The following SAMD5 variants were observed in gnomAD, a reference collection of about 807,000 sequenced individuals.
SAMD5 encodes the protein sterile alpha motif domain-containing protein 5.
A neutral mutation model predicts 11.3 loss-of-function variants in SAMD5; 13 were observed. That is an observed-to-expected ratio of 1.15 (90% CI 0.75 to 1.83). The LOEUF (loss-of-function observed/expected upper bound fraction) is 1.83, where lower values mean the gene tolerates loss of function less well. Among genes scored for constraint, SAMD5 ranks in the 40% most tolerant of loss-of-function variants. The pLI is 0.00. For missense variants in SAMD5, 255 were observed against 239.1 expected, an observed-to-expected ratio of 1.07 and a Z score of -0.44; for synonymous variants, 129 against 111.3, an observed-to-expected ratio of 1.16 and a Z score of -1.00.
At chr6:147,729,333 G>A (rs1397575350) in intron 1 of SAMD5, among the ~76,000 whole-genome samples, 1 of 152,182 alleles carries the variant, frequency 6.6e-6, no homozygotes, top group East Asian at 1.9e-4. Flanking sequence ...ACAAAAGCCA[G>A]TGTTTCCCTT....
At chr6:147,865,114 G>A in the SAMD5 span, among the ~76,000 whole-genome samples, 1 of 152,330 alleles carries the variant, frequency 6.6e-6, no homozygotes, top group South Asian at 2.1e-4. Flanking sequence ...GTTGAGGCCA[G>A]TGTTCCATGA....
chr6:147,645,335 A>G (rs1397139204), intron 1 of SAMD5, among the ~76,000 whole-genome samples: 1 of 152,156 alleles, frequency 6.6e-6, no homozygotes, highest in Non-Finnish European at 1.5e-5. Context: ...AGCATCACCC[A>G]TGGAAGCTGA....
intron 1 of SAMD5, among the ~76,000 whole-genome samples, chr6:147,660,984 C>G (rs1790640700): frequency 6.6e-6 from 1 of 152,164 alleles, no homozygotes; most frequent in South Asian, 2.1e-4. Context: ...TTACAACACC[C>G]TTTTTCTGCC....
the SAMD5 span, among the ~76,000 whole-genome samples, chr6:147,868,374 C>A: frequency 6.6e-6 from 1 of 152,270 alleles, no homozygotes; most frequent in Non-Finnish European, 1.5e-5. Context: ...AAGACTTGGC[C>A]TGGAAACATT....
intron 1 of SAMD5, among the ~76,000 whole-genome samples, chr6:147,551,171 T>C (rs1452761175): frequency 6.6e-6 from 1 of 152,160 alleles, no homozygotes; most frequent in Non-Finnish European, 1.5e-5. Flanking sequence ...GAAATACTGT[T>C]TCATTTAGGA....
intron 1 of SAMD5, among the ~76,000 whole-genome samples, chr6:147,516,591 T>C (rs1788174724): frequency 6.6e-6 from 1 of 152,184 alleles, no homozygotes. Flanking sequence ...ACAATAGAAA[T>C]TTATTCTTTA....
chr6:147,595,566 A>T (rs1454899931), intron 1 of SAMD5, among the ~76,000 whole-genome samples: 2 of 122,906 alleles, frequency 1.6e-5, no homozygotes, highest in Non-Finnish European at 3.1e-5. Context: ...TTGCTCTGTC[A>T]CCCAGGCTGG....
intron 1 of SAMD5, among the ~76,000 whole-genome samples, chr6:147,529,796 G>A (rs1158456502): frequency 6.6e-6 from 1 of 152,102 alleles, no homozygotes; most frequent in Non-Finnish European, 1.5e-5. Flanking sequence ...CAATAAAAAT[G>A]AATTGGGCAC....
At chr6:147,925,168 C>G in the SAMD5 span, among the ~76,000 whole-genome samples, 1 of 152,110 alleles carries the variant, frequency 6.6e-6, no homozygotes, top group Non-Finnish European at 1.5e-5. Context: ...AATTAGGTCA[C>G]GAGGGTGGAG....
the SAMD5 span, among the ~76,000 whole-genome samples, chr6:147,927,036 T>A: frequency 6.6e-6 from 1 of 152,230 alleles, no homozygotes; most frequent in African/African-American, 2.4e-5. Flanking sequence ...TCTGTTTTTG[T>A]ATCAGTACCA....
At chr6:147,767,420 T>C in the SAMD5 span, among the ~76,000 whole-genome samples, 2 of 151,056 alleles carry the variant, frequency 1.3e-5, no homozygotes, top group Non-Finnish European at 2.9e-5. Flanking sequence ...CTATCAGTCA[T>C]TGGAGCTGAC....
the SAMD5 span, among the ~76,000 whole-genome samples, chr6:147,940,092 C>G: frequency 6.6e-6 from 1 of 151,896 alleles, no homozygotes; most frequent in South Asian, 2.1e-4. Context: ...ACTTTGGGAG[C>G]TACGAAAGAT....
At chr6:147,817,941 G>T in the SAMD5 span, among the ~76,000 whole-genome samples, 2 of 152,196 alleles carry the variant, frequency 1.3e-5, no homozygotes, top group African/African-American at 4.8e-5. Context: ...TGCCAGAAAG[G>T]TTGGTTCCAT....
rs1268460830 is a variant in SAMD5 at position 147,663,814 on chromosome 6, AG to A, written c.163-73502del. Among the ~76,000 whole-genome samples the A allele has an allele frequency of 8.7e-3, 1,115 of 127,676 alleles. 29 individuals carry two copies. Among genetic ancestry groups the A allele is most frequent in the South Asian group, 0.018 (69 of 3,730 alleles). The allele number at this position is 127,676 out of a possible 152,430, so 83.8% of individuals were successfully genotyped here. On this transcript the variant is annotated intron_variant, in intron 1 of 1. Transcript: ENST00000566741. ...CTCAAAAAAAAAAAAAAAAAAAAAG[AG>A]AGAGAAAGAAAAAGCCTTATCATCT... is the stretch of plus-strand genomic sequence containing the variant.
At chr6:147,838,936 G>A in the SAMD5 span, among the ~76,000 whole-genome samples, 1 of 152,166 alleles carries the variant, frequency 6.6e-6, no homozygotes, top group Non-Finnish European at 1.5e-5. Flanking sequence ...GCATTTTGGG[G>A]TCAAAGGCAA....
rs1789074200 is a variant in SAMD5, at chr6:147,568,176, A to G, written c.*3720A>G. 3 of 985,236 alleles carry G rather than the reference A, an allele frequency of 3.0e-6. No homozygotes were observed. Among genetic ancestry groups the G allele is most frequent in the Admixed American group, 6.2e-5 (1 of 16,250 alleles). The allele number at this position is 985,236 out of a possible 1,614,324, so 61.0% of individuals were successfully genotyped here. A position where few individuals can be genotyped will look rare whatever the true frequency, so the allele number is the denominator to read the frequency against. On this transcript the variant is annotated 3_prime_UTR_variant, in exon 2 of 2. Coordinates refer to ENST00000367474, the MANE Select transcript of SAMD5 (RefSeq NM_001030060.3). ...GATAGCATCTTCTGGGAAGAATCCA[A>G]CCAAGATACAAAGCAGATGATGGTG...
rs1291196160 is a variant in SAMD5, at chr6:147,568,849, A to G, written c.*4393A>G. On this transcript the variant is annotated 3_prime_UTR_variant, in exon 2 of 2. Coordinates refer to ENST00000367474, the MANE Select transcript of SAMD5 (RefSeq NM_001030060.3). Reference sequence around the variant, plus strand: ...AATCTCTGAGGACATAAAATCAAATAACTTTCTAGTCCATGATCATTAATC... The same window carrying G: ...AATCTCTGAGGACATAAAATCAAATGACTTTCTAGTCCATGATCATTAATC... 1.0e-6 allele frequency: 1 copy of G among 953,062 alleles called. No homozygotes were observed. Among genetic ancestry groups the G allele is most frequent in the East Asian group, 1.2e-4 (1 of 8,672 alleles). The allele number at this position is 953,062 out of a possible 1,614,324, so 59.0% of individuals were successfully genotyped here.
At chr6:147,636,323 G>C (rs2128451847) in intron 1 of SAMD5, among the ~76,000 whole-genome samples, 1 of 152,178 alleles carries the variant, frequency 6.6e-6, no homozygotes, top group East Asian at 1.9e-4. Context: ...CAAACACCAA[G>C]AAATGCCATT....
intron 1 of SAMD5, among the ~76,000 whole-genome samples, chr6:147,641,977 GTTTGA>G (rs892123395): frequency 1.2e-4 from 19 of 152,132 alleles, no homozygotes; most frequent in African/African-American, 4.3e-4. Context: ...ACATGAAGAT[GTTTGA>G]TTTATTTTCC....
Sources: allele counts gnomAD v4.1 joint callset (sites outside exome capture counted in the v4.1 genomes callset), GRCh38; gene constraint gnomAD v4.1.1; transcripts MANE v1.5; gene names NCBI Gene and HGNC (gene_info 2026-07-23, HGNC 2026-07-21).